The following CALN1 variants were observed in gnomAD, a reference collection of about 807,000 sequenced individuals.
CALN1 encodes calcium-binding protein 8.
Under a neutral mutation model 30.6 loss-of-function variants are expected in CALN1, and 17 were observed. That is an observed-to-expected ratio of 0.56 (90% CI 0.38 to 0.83). The LOEUF is 0.83. CALN1 is among the 40% of genes least tolerant of loss of function. The pLI is 0.00. For synonymous variants in CALN1, 156 were observed against 131.4 expected (o/e 1.19, Z -1.28); for missense variants, 291 against 354.9 (o/e 0.82, Z 1.45).
At chr7:72,434,586 G>A (rs542730625) in intron 1 of CALN1, among the ~76,000 whole-genome samples, 1 of 149,880 alleles carries the variant, frequency 6.7e-6, no homozygotes, top group South Asian at 2.1e-4. Flanking sequence ...AGAAGAAGGA[G>A]AAGAAGAAGG....
intron 2 of CALN1, among the ~76,000 whole-genome samples, chr7:72,281,763 T>C (rs548521891): frequency 6.6e-6 from 1 of 152,344 alleles, no homozygotes; most frequent in East Asian, 1.9e-4. Context: ...TTTTACCTGG[T>C]TGTCTGCAGC....
At chr7:72,463,249 G>A in the CALN1 span, among the ~76,000 whole-genome samples, 1 of 152,160 alleles carries the variant, frequency 6.6e-6, no homozygotes, top group African/African-American at 2.4e-5. Flanking sequence ...ATCCTCCCCA[G>A]TAGCTGGGAT....
At chr7:71,789,331 C>A (rs1235971800) in intron 6 of CALN1, among the ~76,000 whole-genome samples, 2 of 152,104 alleles carry the variant, frequency 1.3e-5, no homozygotes, top group African/African-American at 4.8e-5. Flanking sequence ...GTAGGAGAAT[C>A]GCTTGAACCC....
intron 3 of CALN1, among the ~76,000 whole-genome samples, chr7:72,140,836 G>A (rs1448484724): frequency 6.6e-6 from 1 of 152,230 alleles, no homozygotes; most frequent in Non-Finnish European, 1.5e-5. Context: ...CACAGTCCTG[G>A]GGGAAAGCTG....
intron 3 of CALN1, among the ~76,000 whole-genome samples, chr7:72,216,443 C>T (rs968696412): frequency 6.6e-6 from 1 of 151,674 alleles, no homozygotes; most frequent in African/African-American, 2.4e-5. Flanking sequence ...TAAATAAATA[C>T]ATATATCTTT....
At position 72,111,509 on chromosome 7, in the gene CALN1, G is replaced by A. The variant is rs143809968; in HGVS notation, c.245-5215C>T. Among the ~76,000 whole-genome samples, 21 of 152,150 alleles carry A rather than the reference G, an allele frequency of 1.4e-4. 1 individual carries two copies. In the East Asian group the frequency reaches 3.9e-3, roughly 28 times the overall value. On this transcript the variant is annotated intron_variant, in intron 3 of 6. Coordinates refer to ENST00000395275, the MANE Select transcript of CALN1 (RefSeq NM_031468.4). ...GTCTTGCTCTGTTGCCCAGGCTGAA[G>A]TGCAGTGGCACCATGATAGCTCACT...
At chr7:72,120,025 C>T (rs562769496) in intron 3 of CALN1, among the ~76,000 whole-genome samples, 55 of 152,182 alleles carry the variant, frequency 3.6e-4, no homozygotes, top group African/African-American at 1.3e-3. Context: ...TTGTGTGATG[C>T]TGAGGCTTGG....
intron 3 of CALN1, among the ~76,000 whole-genome samples, chr7:72,166,809 A>G (rs1462752755): frequency 1.3e-5 from 2 of 152,122 alleles, no homozygotes; most frequent in African/African-American, 4.8e-5. Context: ...TTGGGAGGCC[A>G]AGGTGGGTGG....
At chr7:72,470,470 T>C in the CALN1 span, among the ~76,000 whole-genome samples, 1 of 152,120 alleles carries the variant, frequency 6.6e-6, no homozygotes, top group Non-Finnish European at 1.5e-5. Context: ...ATCATGGAAG[T>C]GTGTGATTAT....
intron 5 of CALN1, among the ~76,000 whole-genome samples, chr7:71,974,538 C>T (rs1429368722): frequency 1.3e-5 from 2 of 152,004 alleles, no homozygotes; most frequent in Non-Finnish European, 2.9e-5. Context: ...GTTCCACCAC[C>T]CCTTGAGGTG....
intron 5 of CALN1, among the ~76,000 whole-genome samples, chr7:71,939,572 CAA>C (rs35583884): frequency 2.3e-4 from 30 of 131,492 alleles, no homozygotes; most frequent in African/African-American, 5.7e-4. Flanking sequence ...GATGTTGTCT[CAA>C]AAAAAAAAAA....
intron 5 of CALN1, among the ~76,000 whole-genome samples, chr7:71,972,799 G>A (rs1023276911): frequency 1.3e-5 from 2 of 152,192 alleles, no homozygotes; most frequent in Admixed American, 1.3e-4. Context: ...TAGCAATCAA[G>A]GCTGTCTCAG....
intron 3 of CALN1, among the ~76,000 whole-genome samples, chr7:72,221,483 A>G (rs996506599): frequency 2.0e-5 from 3 of 151,926 alleles, no homozygotes; most frequent in Non-Finnish European, 4.4e-5. Context: ...GTGCCTGGCT[A>G]ATTTTTTTGT....
intron 3 of CALN1, among the ~76,000 whole-genome samples, chr7:72,240,348 C>T (rs1441100153): frequency 1.3e-5 from 2 of 152,064 alleles, no homozygotes; most frequent in African/African-American, 4.8e-5. Context: ...GGACGTGCCA[C>T]CGTGCCAGGC....
At chr7:71,889,856 T>C (rs1362870447) in intron 5 of CALN1, among the ~76,000 whole-genome samples, 2 of 151,834 alleles carry the variant, frequency 1.3e-5, no homozygotes, top group Non-Finnish European at 2.9e-5. Flanking sequence ...GTAATCCTAC[T>C]CTGGAGGCTG....
chr7:72,393,381 G>T (rs564932240), intron 2 of CALN1, among the ~76,000 whole-genome samples: 1 of 152,018 alleles, frequency 6.6e-6, no homozygotes, highest in African/African-American at 2.4e-5. Context: ...GGAGAATGGC[G>T]TGAACCTGGG....
chr7:72,485,086 C>CAA, the CALN1 span, among the ~76,000 whole-genome samples: 5 of 151,644 alleles, frequency 3.3e-5, no homozygotes, highest in Admixed American at 6.6e-5. Context: ...ACTAAAAATA[C>CAA]AAAAAAAAAT....
chr7:72,497,127 C>T, the CALN1 span, among the ~76,000 whole-genome samples: 38 of 152,076 alleles, frequency 2.5e-4, no homozygotes, highest in Non-Finnish European at 4.3e-4. Flanking sequence ...TTTTAGCAGG[C>T]GCTCAGTGCT....
chr7:71,944,275 C>T (rs1231686611), intron 5 of CALN1, among the ~76,000 whole-genome samples: 4 of 152,166 alleles, frequency 2.6e-5, no homozygotes, highest in Admixed American at 2.6e-4. Context: ...GGTGGGACCC[C>T]ATCTCTATTT....
Sources: gnomAD v4.1 joint callset for allele counts (sites outside exome capture counted in the v4.1 genomes callset) on GRCh38, gnomAD v4.1.1 for gene constraint, MANE v1.5 for transcripts, NCBI Gene and HGNC (gene_info 2026-07-23, HGNC 2026-07-21) for gene names.